The following SPATA17 variants were observed in gnomAD, a reference collection of about 807,000 sequenced individuals.
SPATA17 encodes spermatogenesis-associated protein 17.
Under a neutral mutation model 62.2 loss-of-function variants are expected in SPATA17, and 53 were observed. The observed-to-expected ratio is 0.85, with a 90% confidence interval of 0.68 to 1.07. The LOEUF (loss-of-function observed/expected upper bound fraction) is 1.07, where lower values mean the gene tolerates loss of function less well. Ranked by LOEUF, SPATA17 falls within the 50% of genes least tolerant of loss-of-function variation. The pLI, the probability that SPATA17 is intolerant of heterozygous loss-of-function variation, is 0.00. For missense variants in SPATA17, 466 were observed against 425.5 expected (o/e 1.10, Z -0.84); for synonymous variants, 146 against 146.8 (o/e 0.99, Z 0.04).
At position 217,812,529 on chromosome 1, in the gene SPATA17, G is replaced by A. The variant is rs532952922; in HGVS notation, c.1005+10679G>A. Among the ~76,000 whole-genome samples the A allele has an allele frequency of 8.5e-5, 13 of 152,118 alleles. No individual in the cohort carries two copies. The East Asian group carries it at 9.7e-4, about 11-fold the overall frequency. ...TTTTTTTAATCTATTTGCAAACTGC[G>A]CAAGTTAAGTTGTTAGATTCTAAGT... On this transcript the variant is annotated intron_variant, in intron 9 of 10. Coordinates refer to ENST00000366933, the MANE Select transcript of SPATA17 (RefSeq NM_138796.4).
intron 8 of SPATA17, among the ~76,000 whole-genome samples, chr1:217,792,710 AG>A (rs1674026000): frequency 6.6e-6 from 1 of 152,154 alleles, no homozygotes. Context: ...GTTAAGTTAA[AG>A]GTCTATTAAC....
chr1:217,786,750 T>TTTCTTCTTATTCTTC (rs1673874434), intron 8 of SPATA17, among the ~76,000 whole-genome samples: 1 of 107,436 alleles, frequency 9.3e-6, no homozygotes, highest in African/African-American at 3.6e-5. Context: ...TGATATTCTC[T>TTTCTTCTTATTCTTC]TTCTTCTTCT....
chr1:217,812,709 C>G (rs1355192109), intron 9 of SPATA17, among the ~76,000 whole-genome samples: 2 of 152,118 alleles, frequency 1.3e-5, no homozygotes, highest in African/African-American at 2.4e-5. Context: ...TTGGGTAGAT[C>G]TAAAAGAGTT....
At chr1:217,631,882 T>G (rs1669790137) in intron 1 of SPATA17, among the ~76,000 whole-genome samples, 2 of 152,166 alleles carry the variant, frequency 1.3e-5, no homozygotes, top group Non-Finnish European at 2.9e-5. Flanking sequence ...CTCATTCGCC[T>G]TTTTAAAATG....
At position 217,801,821 on chromosome 1, in the gene SPATA17, G is replaced by GA. The variant is rs772894263; in HGVS notation, c.980dup (p.Asn327LysfsTer3). The GA allele has an allele frequency of 1.2e-6, 2 of 1,609,540 alleles. No homozygotes were observed. The highest frequency in any genetic ancestry group is 1.1e-5 in the South Asian group (1 of 90,002). On this transcript the variant is annotated frameshift_variant, in exon 9 of 11. Coordinates refer to ENST00000366933, the MANE Select transcript of SPATA17 (RefSeq NM_138796.4). LOFTEE classifies it high-confidence loss of function. ...TTCTTACAAAGAACAATTCCGAAGT[G>GA]AAAATCCTAAGAAATGGATCTGTGA...
chr1:217,850,340 G>T, intron 9 of SPATA17: 1 of 546,944 alleles, frequency 1.8e-6, no homozygotes, highest in Non-Finnish European at 3.1e-6. Flanking sequence ...TTAAGTGGGG[G>T]CAGATGGCTA....
intron 1 of SPATA17, among the ~76,000 whole-genome samples, chr1:217,634,029 G>A (rs951624128): frequency 3.9e-5 from 6 of 152,188 alleles, no homozygotes; most frequent in African/African-American, 1.4e-4. Context: ...TTGCCCGACT[G>A]ACATAATACT....
chr1:217,707,797 A>G (rs1671769761), intron 5 of SPATA17, among the ~76,000 whole-genome samples: 1 of 152,216 alleles, frequency 6.6e-6, no homozygotes. Context: ...TTGACCTCAC[A>G]ATCAGCCCTA....
At chr1:217,711,883 TG>T (rs1002103270) in intron 5 of SPATA17, among the ~76,000 whole-genome samples, 7 of 152,142 alleles carry the variant, frequency 4.6e-5, no homozygotes, top group African/African-American at 1.4e-4. Context: ...CCTGTTGCCT[TG>T]ACAGAATGGT....
intron 5 of SPATA17, 45 bp downstream of exon 5, chr1:217,683,406 A>T (rs1395479436): frequency 1.3e-5 from 16 of 1,221,462 alleles, no homozygotes; most frequent in Non-Finnish European, 1.8e-5. Context: ...CTTTGGAAAG[A>T]TTACTCAATA....
At chr1:217,745,965 T>C (rs1429652032) in intron 6 of SPATA17, among the ~76,000 whole-genome samples, 1 of 151,970 alleles carries the variant, frequency 6.6e-6, no homozygotes. Flanking sequence ...TCAATCTGAG[T>C]GTTGTTAGTA....
intron 8 of SPATA17, 119 bp downstream of exon 8, chr1:217,782,441 C>T (rs1658013136): frequency 1.8e-6 from 2 of 1,107,706 alleles, no homozygotes; most frequent in African/African-American, 3.2e-5. Flanking sequence ...AAAGCCACCC[C>T]TGACCTGTTC....
At chr1:217,653,985 A>T (rs781344905) in intron 3 of SPATA17, among the ~76,000 whole-genome samples, 3 of 152,142 alleles carry the variant, frequency 2.0e-5, no homozygotes, top group Non-Finnish European at 4.4e-5. Flanking sequence ...ATGTAATCAA[A>T]TATCAGTGCT....
At chr1:217,703,471 A>G (rs942517624) in intron 5 of SPATA17, among the ~76,000 whole-genome samples, 1 of 152,108 alleles carries the variant, frequency 6.6e-6, no homozygotes, top group African/African-American at 2.4e-5. Flanking sequence ...CATGCCTGGC[A>G]TATTTCATTA....
chr1:217,781,968 A>C (rs552128822), intron 7 of SPATA17, among the ~76,000 whole-genome samples: 2 of 152,228 alleles, frequency 1.3e-5, no homozygotes, highest in East Asian at 3.9e-4. Context: ...AAAGTTTTTT[A>C]ATGTAATCAA....
At chr1:217,642,232 T>C (rs1670081806) in intron 1 of SPATA17, among the ~76,000 whole-genome samples, 1 of 152,216 alleles carries the variant, frequency 6.6e-6, no homozygotes, top group Non-Finnish European at 1.5e-5. Context: ...CTTTTTTCCT[T>C]TGTAATTTAT....
chr1:217,708,754 C>T (rs1391783147), intron 5 of SPATA17, among the ~76,000 whole-genome samples: 4 of 152,054 alleles, frequency 2.6e-5, no homozygotes, highest in Admixed American at 2.6e-4. Context: ...GGCCGATATC[C>T]TTGATGAACA....
At chr1:217,852,526 A>G (rs1675690027) in intron 9 of SPATA17, among the ~76,000 whole-genome samples, 1 of 152,186 alleles carries the variant, frequency 6.6e-6, no homozygotes, top group Non-Finnish European at 1.5e-5. Context: ...AAGTGAAATT[A>G]ACAGAACTCT....
At chr1:217,801,964 T>C in intron 9 of SPATA17, 114 bp downstream of exon 9, 2 of 1,105,184 alleles carry the variant, frequency 1.8e-6, no homozygotes, top group Non-Finnish European at 2.5e-6. Context: ...GGTAACAACA[T>C]TTTTTATAGC....
Sources: gnomAD v4.1 joint callset for allele counts (sites outside exome capture counted in the v4.1 genomes callset) on GRCh38, gnomAD v4.1.1 for gene constraint, MANE v1.5 for transcripts, NCBI Gene and HGNC (gene_info 2026-07-23, HGNC 2026-07-21) for gene names.